The following RAB11FIP2 variants were observed in gnomAD, a reference collection of about 807,000 sequenced individuals.
RAB11FIP2 encodes the protein rab11 family-interacting protein 2.
In RAB11FIP2, 16 loss-of-function variants were observed where a neutral mutation model predicts 40.9. The observed-to-expected ratio is 0.39, with a 90% CI of 0.26 to 0.59. The LOEUF (loss-of-function observed/expected upper bound fraction) is 0.59, where lower values mean the gene tolerates loss of function less well. Among genes scored for constraint, RAB11FIP2 ranks in the 20% least tolerant of loss-of-function variants. The probability of loss-of-function intolerance (pLI) is 0.53; values close to 1 mark genes in which losing one functional copy is unlikely to be tolerated. For synonymous variants in RAB11FIP2, 228 were observed against 213.7 expected, an observed-to-expected ratio of 1.07 and a Z score of -0.58; for missense variants, 532 against 606.2, an observed-to-expected ratio of 0.88 and a Z score of 1.28.
Position 118,008,853 on chromosome 10 carries a change from T to C in RAB11FIP2, c.*145A>G. 1.5e-6 allele frequency: 1 copy of C among 668,400 alleles called. No homozygotes were observed. Among genetic ancestry groups the C allele is most frequent in the East Asian group, 2.7e-5 (1 of 36,998 alleles). The allele number at this position is 668,400 out of a possible 1,614,324, so 41.4% of individuals were successfully genotyped here. On this transcript the variant is annotated 3_prime_UTR_variant, in exon 5 of 5. Transcript: ENST00000355624. Reference sequence around the variant, plus strand: ...TCACTCTTGATAGTCCCTGCTAATATTTACAGGTAAAACTACTCTTCACAA... The same window carrying C: ...TCACTCTTGATAGTCCCTGCTAATACTTACAGGTAAAACTACTCTTCACAA...
At chr10:118,031,179 T>C (rs1001308364) in intron 3 of RAB11FIP2, among the ~76,000 whole-genome samples, 1 of 152,088 alleles carries the variant, frequency 6.6e-6, no homozygotes, top group Non-Finnish European at 1.5e-5. Context: ...AAGTAAATAT[T>C]GCTATTAAAA....
intron 3 of RAB11FIP2, among the ~76,000 whole-genome samples, chr10:118,037,281 G>T (rs1046223624): frequency 6.6e-6 from 1 of 152,020 alleles, no homozygotes; most frequent in Non-Finnish European, 1.5e-5. Context: ...TTCTTCTGGA[G>T]TATGGTTTAT....
chr10:118,006,147 T>C lies in RAB11FIP2; in HGVS notation c.*2851A>G, dbSNP rs1244065359. 1.3e-5 allele frequency: 2 copies of C among 152,624 alleles called. No individual in the cohort carries two copies. Among genetic ancestry groups the C allele is most frequent in the Non-Finnish European group, 2.9e-5 (2 of 68,028 alleles). The allele number at this position is 152,624 out of a possible 1,614,324, so 9.5% of individuals were successfully genotyped here. A position where few individuals can be genotyped will look rare whatever the true frequency, so the allele number is the denominator to read the frequency against. On this transcript the variant is annotated 3_prime_UTR_variant, in exon 5 of 5. Transcript: ENST00000355624. ...ACAATTCTAAGATATGACCCTGGTA[T>C]TCAATAAATGAAACTTGAAGCGTAA...
At chr10:118,044,018 T>A (rs192663993) in intron 1 of RAB11FIP2, among the ~76,000 whole-genome samples, 3 of 152,334 alleles carry the variant, frequency 2.0e-5, no homozygotes, top group Non-Finnish European at 2.9e-5. Flanking sequence ...ACAAACCCTG[T>A]TGATAACATT....
intron 3 of RAB11FIP2, among the ~76,000 whole-genome samples, chr10:118,038,695 G>A (rs1846513099): frequency 6.6e-6 from 1 of 151,990 alleles, no homozygotes; most frequent in African/African-American, 2.4e-5. Context: ...CTCATCACAA[G>A]CCATGTTGTT....
chr10:118,034,891 C>T lies in RAB11FIP2; in HGVS notation c.1265+4081G>A, dbSNP rs145676834. On this transcript the variant is annotated intron_variant, in intron 3 of 4. Transcript: ENST00000355624. ...TAGCAAGCTGATTAGGCATCAATGG[C>T]ACACACAATATTGTAAGCTCACTAA... 3.6e-3 allele frequency among the ~76,000 whole-genome samples: 542 copies of T among 152,242 alleles called. 1 individual carries two copies. Among genetic ancestry groups the T allele is most frequent in the Non-Finnish European group, 6.6e-3 (447 of 68,002 alleles).
At chr10:118,034,583 G>A (rs1846458306) in intron 3 of RAB11FIP2, among the ~76,000 whole-genome samples, 1 of 151,998 alleles carries the variant, frequency 6.6e-6, no homozygotes, top group Admixed American at 6.6e-5. Context: ...ATAAAAAGAA[G>A]GATTACTTCG....
At position 118,009,192 on chromosome 10, in the gene RAB11FIP2, G is replaced by T. The variant is rs761528205; in HGVS notation, c.1345C>A (p.Arg449Ser). ...SNPFDATAGY[R>S]SLTYEEVLQE... ...AGAACCTCTTCATAGGTCAGACTAC[G>T]ATACCCTGCAGTGGCATCAAAGGGG... The change falls in exon 5 of 5, where the codon CGT (arginine) becomes AGT (serine). Residue 449 changes from arginine to serine, a missense_variant. By Grantham distance (110) the Arg-to-Ser change is moderately radical (BLOSUM62 -1). Coordinates refer to ENST00000355624, the MANE Select transcript of RAB11FIP2 (RefSeq NM_014904.3). 3 of 1,613,394 alleles carry T rather than the reference G, an allele frequency of 1.9e-6. No homozygotes were observed. In the East Asian group the frequency reaches 6.7e-5, roughly 36 times the overall value.
At position 118,019,170 on chromosome 10, in the gene RAB11FIP2, T is replaced by A. The variant is rs12766534; in HGVS notation, c.1266-4060A>T. On this transcript the variant is annotated intron_variant, in intron 3 of 4. Transcript: ENST00000355624. ...AACAACAAGCTCTTTGGAGGGCATTTAAAAATAAGTATTTTTAAGTATTTA... is the reference window on the plus strand; with the variant it reads ...AACAACAAGCTCTTTGGAGGGCATTAAAAAATAAGTATTTTTAAGTATTTA... Among the ~76,000 whole-genome samples, 402 of 152,312 alleles carry A rather than the reference T, an allele frequency of 2.6e-3. 4 individuals are homozygous for A. Among genetic ancestry groups the A allele is most frequent in the African/African-American group, 6.8e-3 (282 of 41,568 alleles).
intron 3 of RAB11FIP2, chr10:118,017,695 T>C (rs1846238346): frequency 2.6e-5 from 4 of 152,148 alleles, no homozygotes; most frequent in Admixed American, 2.6e-4. Flanking sequence ...TATTTAAACA[T>C]TTTATATTTG....
chr10:118,026,291 T>C (rs907913177), intron 3 of RAB11FIP2, among the ~76,000 whole-genome samples: 1 of 152,230 alleles, frequency 6.6e-6, no homozygotes, highest in African/African-American at 2.4e-5. Flanking sequence ...ATTTTGGTTA[T>C]GTATTTTTTT....
chr10:118,036,267 C>T (rs1473042670), intron 3 of RAB11FIP2, among the ~76,000 whole-genome samples: 1 of 151,950 alleles, frequency 6.6e-6, no homozygotes, highest in Non-Finnish European at 1.5e-5. Context: ...TAACCTTGTT[C>T]AGCATTCTCA....
At chr10:118,030,987 T>C (rs1171150039) in intron 3 of RAB11FIP2, among the ~76,000 whole-genome samples, 1 of 152,130 alleles carries the variant, frequency 6.6e-6, no homozygotes, top group Non-Finnish European at 1.5e-5. Context: ...ATAGTCATTG[T>C]TTCATTGGAT....
rs1846129685 is a variant in RAB11FIP2 at position 118,009,238 on chromosome 10, A to G, written c.1312-13T>C. ...AGGGGTTGCTGTCCTAGAACAGGAT[A>G]AAGACTGTCACTTTCATAGATATAA... On this transcript the variant is annotated splice_polypyrimidine_tract_variant and intron_variant, in intron 4 of 4. Coordinates refer to ENST00000355624, the MANE Select transcript of RAB11FIP2 (RefSeq NM_014904.3). 1 of 1,583,508 alleles carries G rather than the reference A, an allele frequency of 6.3e-7. No homozygotes were observed. Among genetic ancestry groups the G allele is most frequent in the Non-Finnish European group, 8.7e-7 (1 of 1,155,184 alleles).
chr10:118,031,000 A>C (rs556374601), intron 3 of RAB11FIP2, among the ~76,000 whole-genome samples: 5 of 152,220 alleles, frequency 3.3e-5, no homozygotes, highest in African/African-American at 1.2e-4. Flanking sequence ...CATTGGATAC[A>C]TTCTGTAAAT....
intron 3 of RAB11FIP2, among the ~76,000 whole-genome samples, chr10:118,018,649 T>C (rs868076103): frequency 3.3e-5 from 5 of 152,372 alleles, no homozygotes; most frequent in Middle Eastern, 3.4e-3. Flanking sequence ...ATTCTAAAAT[T>C]TGAAATGTTT....
intron 3 of RAB11FIP2, among the ~76,000 whole-genome samples, chr10:118,032,437 GC>G (rs1476351209): frequency 1.3e-5 from 2 of 149,020 alleles, no homozygotes; most frequent in Non-Finnish European, 3.0e-5. Flanking sequence ...AACCTATTCA[GC>G]CATATCTTTT....
intron 3 of RAB11FIP2, among the ~76,000 whole-genome samples, chr10:118,038,240 CTA>C (rs894095197): frequency 8.0e-5 from 12 of 150,774 alleles, no homozygotes; most frequent in African/African-American, 2.7e-4. Context: ...ACACTTATAT[CTA>C]TATATGTAGA....
chr10:118,019,091 T>C (rs1846254249), intron 3 of RAB11FIP2, among the ~76,000 whole-genome samples: 2 of 152,152 alleles, frequency 1.3e-5, no homozygotes, highest in East Asian at 1.9e-4. Context: ...TAAGACAATG[T>C]AAACCATAAA....
Sources: gnomAD v4.1 joint callset for allele counts (sites outside exome capture counted in the v4.1 genomes callset) on GRCh38, gnomAD v4.1.1 for gene constraint, MANE v1.5 for transcripts, NCBI Gene and HGNC (gene_info 2026-07-23, HGNC 2026-07-21) for gene names.